NRG2: variants seen among roughly 807,000 people sequenced by gnomAD.
NRG2 encodes pro-neuregulin-2, membrane-bound isoform.
A neutral mutation model predicts 73.9 loss-of-function variants in NRG2; 27 were observed. The observed-to-expected ratio is 0.37, with a 90% CI of 0.27 to 0.50. NRG2 has a LOEUF of 0.50. NRG2 is among the 20% of genes least tolerant of loss of function. NRG2 has a pLI of 0.96. For synonymous variants in NRG2, 532 were observed against 541.0 expected (o/e 0.98, Z 0.23); for missense variants, 1,126 against 1,210.1 (o/e 0.93, Z 1.03).
chr5:139,882,045 C>T (rs563583291), intron 2 of NRG2, among the ~76,000 whole-genome samples: 14 of 152,292 alleles, frequency 9.2e-5, no homozygotes, highest in African/African-American at 2.4e-4. Flanking sequence ...AGAAGTAACA[C>T]GGTAATTTCT....
intron 1 of NRG2, among the ~76,000 whole-genome samples, chr5:140,000,562 C>T (rs945944748): frequency 1.3e-5 from 2 of 152,210 alleles, no homozygotes; most frequent in African/African-American, 2.4e-5. Context: ...GGCAGGCAGG[C>T]GGAATGATTC....
At chr5:140,018,184 C>T (rs1759945424) in intron 1 of NRG2, among the ~76,000 whole-genome samples, 1 of 152,132 alleles carries the variant, frequency 6.6e-6, no homozygotes, top group Non-Finnish European at 1.5e-5. Flanking sequence ...ACACTCCGTT[C>T]TCTGCAAAGC....
In NRG2 at chr5:139,887,571, G is replaced by T; in HGVS notation, c.701-60C>A. On this transcript the variant is annotated intron_variant, in intron 1 of 9. Transcript: ENST00000361474. The surrounding 1 kb of genome is among the most constrained non-coding windows in gnomAD (Gnocchi z 4.5). ...GTGGTAGGGGCAGTGCCAAGCATGA[G>T]TAGTGGAGAGTAAGGGCCACTGTCT... is the stretch of plus-strand genomic sequence containing the variant. The T allele has an allele frequency of 6.7e-7, 1 of 1,498,156 alleles. No individual in the cohort carries two copies. Among genetic ancestry groups the T allele is most frequent in the Non-Finnish European group, 9.2e-7 (1 of 1,086,992 alleles). 92.8% of individuals were successfully genotyped at this position (1,498,156 alleles called of 1,614,324 possible).
intron 1 of NRG2, among the ~76,000 whole-genome samples, chr5:139,950,079 T>C (rs1580799950): frequency 6.6e-6 from 1 of 152,302 alleles, no homozygotes; most frequent in African/African-American, 2.4e-5. Context: ...AAAAGGATTA[T>C]TTCAAAGGAT....
In NRG2 at chr5:139,954,556, A is replaced by C. The variant is rs1006845567; in HGVS notation, c.701-67045T>G. On this transcript the variant is annotated intron_variant, in intron 1 of 9. Transcript: ENST00000361474. The surrounding 1 kb of genome is among the most constrained non-coding windows in gnomAD (Gnocchi z 5.0). ...CTTAGTCAAGATAAATAAACTTCTA[A>C]GCCCCAACTTAAAGGTTCTCTGTGA... 1.3e-5 allele frequency among the ~76,000 whole-genome samples: 2 copies of C among 152,112 alleles called. No individual in the cohort carries two copies. Among genetic ancestry groups the C allele is most frequent in the African/African-American group, 4.8e-5 (2 of 41,418 alleles).
intron 5 of NRG2, among the ~76,000 whole-genome samples, chr5:139,863,393 A>C (rs922612601): frequency 1.7e-4 from 26 of 152,240 alleles, no homozygotes; most frequent in African/African-American, 6.3e-4. Flanking sequence ...CAAGCTACTG[A>C]AGACACTAGG....
At chr5:139,860,118 C>A (rs1353078207) in intron 5 of NRG2, among the ~76,000 whole-genome samples, 1 of 152,036 alleles carries the variant, frequency 6.6e-6, no homozygotes, top group Non-Finnish European at 1.5e-5. Flanking sequence ...CCAAGAGCCC[C>A]AAGGAGGGTA....
At chr5:139,872,161 C>T (rs1762894613) in intron 3 of NRG2, among the ~76,000 whole-genome samples, 2 of 152,288 alleles carry the variant, frequency 1.3e-5, no homozygotes, top group Non-Finnish European at 2.9e-5. Flanking sequence ...TAAGGGCCCA[C>T]CTCTCCCCTT....
chr5:139,927,301 C>T (rs1580749450), intron 1 of NRG2, among the ~76,000 whole-genome samples: 1 of 152,050 alleles, frequency 6.6e-6, no homozygotes, highest in Non-Finnish European at 1.5e-5. Context: ...TGTGCTTATT[C>T]TTGGCTCACT....
At position 139,852,894 on chromosome 5, in the gene NRG2, A is replaced by G. The variant is rs751188348; in HGVS notation, c.1416+10T>C. ...AGGGCTCAGAAGGGGGCCCCAGGAA[A>G]GCCACTCACATCTGCCATCTGGATC... On this transcript the variant is annotated intron_variant, in intron 7 of 9. Transcript: ENST00000361474. This position sits in a 1 kb window ranked among gnomAD's most constrained non-coding sequence, Gnocchi z 4.4. 1.2e-6 allele frequency: 2 copies of G among 1,613,296 alleles called. No homozygotes were observed. Among genetic ancestry groups the G allele is most frequent in the Non-Finnish European group, 1.7e-6 (2 of 1,179,730 alleles).
At position 139,887,137 on chromosome 5, in the gene NRG2, C is replaced by T. The variant is rs377035973; in HGVS notation, c.872+203G>A. ...AATTCTTGTCTGTGGTCTGCAAGAC[C>T]CTGGGCCACCATGACCAGAGGGTCC... On this transcript the variant is annotated intron_variant, in intron 2 of 9. Transcript: ENST00000361474. This position sits in a 1 kb window ranked among gnomAD's most constrained non-coding sequence, Gnocchi z 4.5. Among the ~76,000 whole-genome samples the T allele has an allele frequency of 1.8e-4, 27 of 152,266 alleles. No homozygotes were observed. The highest frequency in any genetic ancestry group is 6.5e-4 in the African/African-American group (27 of 41,552).
chr5:139,904,461 G>T lies in NRG2; in HGVS notation c.701-16950C>A. 1.0e-6 allele frequency: 1 copy of T among 994,586 alleles called. No individual in the cohort carries two copies. The highest frequency in any genetic ancestry group is 2.1e-5 in the Admixed American group (1 of 47,840). 61.6% of individuals were successfully genotyped at this position (994,586 alleles called of 1,614,324 possible). A position where few individuals can be genotyped will look rare whatever the true frequency, so the allele number is the denominator to read the frequency against. On this transcript the variant is annotated intron_variant, in intron 1 of 9. Coordinates refer to ENST00000361474, the MANE Select transcript of NRG2 (RefSeq NM_004883.3). The surrounding 1 kb of genome is among the most constrained non-coding windows in gnomAD (Gnocchi z 6.0). The stretch of plus-strand genomic sequence containing the variant: ...TCCGCTGCCGCGCTGCGCCCCCGCC[G>T]CCTGCAGCCTCAGTGCCCGAGCGCG...
At chr5:140,009,769 C>T (rs1211928491) in intron 1 of NRG2, among the ~76,000 whole-genome samples, 1 of 152,136 alleles carries the variant, frequency 6.6e-6, no homozygotes, top group Non-Finnish European at 1.5e-5. Flanking sequence ...GAATATTATT[C>T]AGCACTAAAA....
At chr5:139,987,358 ACT>A (rs1757246296) in intron 1 of NRG2, among the ~76,000 whole-genome samples, 1 of 125,640 alleles carries the variant, frequency 8.0e-6, no homozygotes, top group Non-Finnish European at 1.6e-5. Flanking sequence ...ACAGAGCAAG[ACT>A]CTGTCTCAAA....
At chr5:139,997,034 C>T (rs746749986) in intron 1 of NRG2, among the ~76,000 whole-genome samples, 34 of 152,086 alleles carry the variant, frequency 2.2e-4, no homozygotes, top group Non-Finnish European at 4.6e-4. Context: ...CCCAGCTACT[C>T]AGGAGGCTGA....
rs148079622 is a variant in NRG2, at chr5:139,960,945, G to A, written c.701-73434C>T. 7.7e-4 allele frequency among the ~76,000 whole-genome samples: 117 copies of A among 152,108 alleles called. 1 individual carries two copies. The highest frequency in any genetic ancestry group is 2.7e-3 in the African/African-American group (111 of 41,492). Reference sequence around the variant, plus strand: ...CCCAGCCTCCTGCCAGCTCCTCCATGAACTCTGAAGAAGCTGCCAGGCTCG... The same window carrying A: ...CCCAGCCTCCTGCCAGCTCCTCCATAAACTCTGAAGAAGCTGCCAGGCTCG... On this transcript the variant is annotated intron_variant, in intron 1 of 9. Coordinates refer to ENST00000361474, the MANE Select transcript of NRG2 (RefSeq NM_004883.3).
At chr5:139,861,777 C>T (rs757912493) in intron 5 of NRG2, 1 of 514,782 alleles carries the variant, frequency 1.9e-6, no homozygotes, top group African/African-American at 1.9e-5. Context: ...CCCTGGCGCA[C>T]CTCTCACTGA....
At chr5:139,941,276 A>G (rs1753381040) in intron 1 of NRG2, among the ~76,000 whole-genome samples, 1 of 152,194 alleles carries the variant, frequency 6.6e-6, no homozygotes, top group Admixed American at 6.5e-5. Context: ...GCACAAGACA[A>G]ACACAAAAAT....
At chr5:139,953,726 G>A (rs943680712) in intron 1 of NRG2, among the ~76,000 whole-genome samples, 6 of 152,196 alleles carry the variant, frequency 3.9e-5, no homozygotes, top group Admixed American at 2.0e-4. Context: ...TCTGTTCATC[G>A]TAGGAGGGCC....
Sources: gnomAD v4.1 joint callset for allele counts (sites outside exome capture counted in the v4.1 genomes callset) on GRCh38, gnomAD v4.1.1 for gene constraint, Gnocchi (gnomAD v3.1) non-coding constraint, MANE v1.5 for transcripts, NCBI Gene and HGNC (gene_info 2026-07-23, HGNC 2026-07-21) for gene names.